CALN1: variants seen among roughly 807,000 people sequenced by gnomAD.
CALN1 encodes calneuron 1.
A neutral mutation model predicts 30.6 loss-of-function variants in CALN1; 17 were observed. That is an observed-to-expected ratio of 0.56 (90% CI 0.38 to 0.83). CALN1 has a LOEUF of 0.83. CALN1 is among the 40% of genes least tolerant of loss of function. CALN1 has a pLI of 0.00. For synonymous variants in CALN1, 156 were observed against 131.4 expected, an observed-to-expected ratio of 1.19 and a Z score of -1.28; for missense variants, 291 against 354.9, an observed-to-expected ratio of 0.82 and a Z score of 1.45.
At chr7:72,131,222 G>A (rs564561070) in intron 3 of CALN1, among the ~76,000 whole-genome samples, 1 of 152,244 alleles carries the variant, frequency 6.6e-6, no homozygotes, top group East Asian at 1.9e-4. Flanking sequence ...AGAGGGAGGT[G>A]GGAAGGGGTC....
intron 3 of CALN1, among the ~76,000 whole-genome samples, chr7:72,208,656 G>A (rs547351461): frequency 6.6e-6 from 1 of 152,142 alleles, no homozygotes; most frequent in African/African-American, 2.4e-5. Context: ...TATTTTCCAG[G>A]GACTTTTTTT....
intron 2 of CALN1, among the ~76,000 whole-genome samples, chr7:72,345,244 T>C (rs985378521): frequency 1.5e-4 from 22 of 149,324 alleles, no homozygotes; most frequent in Admixed American, 1.1e-3. Context: ...TTGTGCTCCA[T>C]TGTCCCCTTA....
intron 5 of CALN1, among the ~76,000 whole-genome samples, chr7:71,853,100 G>A (rs1047357454): frequency 8.6e-5 from 13 of 150,502 alleles, no homozygotes; most frequent in African/African-American, 2.4e-4. Flanking sequence ...TTTTTGAGAC[G>A]GCATCTCACT....
chr7:72,383,687 G>A (rs917908136), intron 2 of CALN1, among the ~76,000 whole-genome samples: 5 of 152,128 alleles, frequency 3.3e-5, no homozygotes, highest in South Asian at 4.1e-4. Context: ...ACAGAGCAGG[G>A]AGTCTTTACA....
In CALN1 at chr7:72,433,116, T is replaced by A. The variant is rs575033793; in HGVS notation, c.-226+13926A>T. 2.6e-5 allele frequency among the ~76,000 whole-genome samples: 4 copies of A among 152,318 alleles called. No homozygotes were observed. In the South Asian group the frequency reaches 8.3e-4, roughly 32 times the overall value. ...TGGGTGTCTTAAATTTCTGCTGGTA[T>A]AATTCCATTTTCCTCTGAATCACTC... On this transcript the variant is annotated intron_variant, in intron 1 of 6. Transcript: ENST00000395276.
At chr7:72,102,439 ACT>A (rs1297266312) in intron 4 of CALN1, among the ~76,000 whole-genome samples, 4 of 151,958 alleles carry the variant, frequency 2.6e-5, no homozygotes, top group African/African-American at 9.7e-5. Flanking sequence ...ACAGAGTGAG[ACT>A]CTGTCGCAAA....
At chr7:72,074,050 T>C (rs1218102854) in intron 4 of CALN1, among the ~76,000 whole-genome samples, 1 of 152,080 alleles carries the variant, frequency 6.6e-6, no homozygotes, top group African/African-American at 2.4e-5. Flanking sequence ...AGGAGTCGGA[T>C]AAGAACTGGG....
chr7:72,035,950 A>T (rs1230014309), intron 4 of CALN1, among the ~76,000 whole-genome samples: 1 of 152,226 alleles, frequency 6.6e-6, no homozygotes, highest in African/African-American at 2.4e-5. Flanking sequence ...TTATTGCTTC[A>T]TATGGCTTCA....
chr7:72,056,065 A>C (rs1803240177), intron 4 of CALN1, among the ~76,000 whole-genome samples: 1 of 152,186 alleles, frequency 6.6e-6, no homozygotes, highest in African/African-American at 2.4e-5. Context: ...AGAAACCTAT[A>C]CAACTTTAGT....
intron 2 of CALN1, among the ~76,000 whole-genome samples, chr7:72,320,480 G>A (rs1800796225): frequency 6.6e-6 from 1 of 152,150 alleles, no homozygotes; most frequent in African/African-American, 2.4e-5. Context: ...ACGGTCCTGG[G>A]ACCTAGGATG....
At chr7:71,933,628 T>C (rs1168716420) in intron 5 of CALN1, among the ~76,000 whole-genome samples, 1 of 152,198 alleles carries the variant, frequency 6.6e-6, no homozygotes, top group Non-Finnish European at 1.5e-5. Context: ...GGCAGGCACT[T>C]TGTCTTACTC....
At chr7:72,408,463 G>C (rs79936405) in intron 1 of CALN1, among the ~76,000 whole-genome samples, 40 of 151,768 alleles carry the variant, frequency 2.6e-4, no homozygotes, top group Non-Finnish European at 4.7e-4. Context: ...CACACACACA[G>C]AGATAATAAA....
intron 2 of CALN1, among the ~76,000 whole-genome samples, chr7:72,360,403 T>C (rs1180071863): frequency 6.6e-6 from 1 of 152,002 alleles, no homozygotes; most frequent in East Asian, 1.9e-4. Context: ...GTACTATTTT[T>C]ACAATGTCTC....
At chr7:72,320,834 C>CAAAA (rs56192893) in intron 2 of CALN1, among the ~76,000 whole-genome samples, 24 of 67,126 alleles carry the variant, frequency 3.6e-4, no homozygotes, top group East Asian at 4.4e-4. Context: ...GACTCCATCT[C>CAAAA]AAAAAAAAAA....
At chr7:72,362,242 C>A (rs992559437) in intron 2 of CALN1, among the ~76,000 whole-genome samples, 1 of 152,216 alleles carries the variant, frequency 6.6e-6, no homozygotes, top group Non-Finnish European at 1.5e-5. Context: ...CATTATGGAT[C>A]TTATGTCTAC....
At position 72,204,799 on chromosome 7, in the gene CALN1, G is replaced by A. The variant is rs568885181; in HGVS notation, c.244+73887C>T. Among the ~76,000 whole-genome samples the A allele has an allele frequency of 2.6e-5, 4 of 152,226 alleles. No homozygotes were observed. In the South Asian group the frequency reaches 8.3e-4, roughly 32 times the overall value. ...CCAGTTCTTTGCTACAGTGTAGAATGAGCATCCTTCTACATGTAGTTTTTT... is the reference window on the plus strand; with the variant it reads ...CCAGTTCTTTGCTACAGTGTAGAATAAGCATCCTTCTACATGTAGTTTTTT... On this transcript the variant is annotated intron_variant, in intron 3 of 6. Coordinates refer to ENST00000395275, the MANE Select transcript of CALN1 (RefSeq NM_031468.4).
intron 3 of CALN1, among the ~76,000 whole-genome samples, chr7:72,126,851 G>A (rs1299313988): frequency 2.6e-5 from 4 of 151,834 alleles, no homozygotes; most frequent in African/African-American, 7.3e-5. Flanking sequence ...AATACATATT[G>A]GGTACAATGT....
intron 2 of CALN1, among the ~76,000 whole-genome samples, chr7:72,353,410 A>T (rs1276529656): frequency 1.3e-5 from 2 of 152,234 alleles, no homozygotes; most frequent in African/African-American, 4.8e-5. Flanking sequence ...GTCATACAAA[A>T]TTAGTCTAAA....
chr7:71,952,312 C>A (rs1796732847), intron 5 of CALN1, among the ~76,000 whole-genome samples: 1 of 152,180 alleles, frequency 6.6e-6, no homozygotes, highest in African/African-American at 2.4e-5. Context: ...CTCAGTGGCT[C>A]CCAGTCATTT....
Sources: allele counts gnomAD v4.1 joint callset (sites outside exome capture counted in the v4.1 genomes callset), GRCh38; gene constraint gnomAD v4.1.1; transcripts MANE v1.5; gene names NCBI Gene and HGNC (gene_info 2026-07-23, HGNC 2026-07-21).